Variants in KDM4C observed in about 807,000 individuals in gnomAD.
KDM4C encodes lysine-specific demethylase 4C.
Under a neutral mutation model 129.3 loss-of-function variants are expected in KDM4C, and 81 were observed. The observed-to-expected ratio is 0.63, with a 90% confidence interval of 0.52 to 0.75. The LOEUF is 0.75. KDM4C is among the 30% of genes least tolerant of loss of function. The pLI is 0.00. For missense variants in KDM4C, 1,457 were observed against 1,304.0 expected (o/e 1.12, Z -1.81); for synonymous variants, 573 against 456.1 (o/e 1.26, Z -3.26).
chr9:7,066,417 C>G (rs746687806), intron 17 of KDM4C, among the ~76,000 whole-genome samples: 1 of 152,112 alleles, frequency 6.6e-6, no homozygotes, highest in Non-Finnish European at 1.5e-5. Flanking sequence ...CCCTTTTTCT[C>G]AGGTATTTCT....
At chr9:6,895,433 C>T (rs993287593) in intron 8 of KDM4C, among the ~76,000 whole-genome samples, 3 of 152,186 alleles carry the variant, frequency 2.0e-5, no homozygotes, top group African/African-American at 7.2e-5. Context: ...TCTCTCTAGT[C>T]CTCCTGTGTA....
At chr9:6,746,763 C>A (rs982124627) in intron 1 of KDM4C, among the ~76,000 whole-genome samples, 1 of 149,744 alleles carries the variant, frequency 6.7e-6, no homozygotes, top group Non-Finnish European at 1.5e-5. Flanking sequence ...AATCCCAGCA[C>A]TTTGGGAGGC....
chr9:6,747,835 CA>C (rs1353836512), intron 1 of KDM4C, among the ~76,000 whole-genome samples: 1 of 152,190 alleles, frequency 6.6e-6, no homozygotes, highest in Non-Finnish European at 1.5e-5. Flanking sequence ...CCGTCCCTAT[CA>C]CTGCCTTACT....
intron 15 of KDM4C, among the ~76,000 whole-genome samples, chr9:7,018,360 A>G (rs1824060685): frequency 6.6e-6 from 1 of 152,204 alleles, no homozygotes; most frequent in South Asian, 2.1e-4. Flanking sequence ...GTGACACATG[A>G]CCATATTTCC....
intron 17 of KDM4C, among the ~76,000 whole-genome samples, chr9:7,093,195 C>A (rs1428787166): frequency 1.3e-5 from 2 of 151,950 alleles, no homozygotes; most frequent in African/African-American, 4.8e-5. Flanking sequence ...TGTGGCCACC[C>A]CTCTTTTGAG....
Position 6,748,165 on chromosome 9 carries a change from C to CA in KDM4C, c.49+27178dup, listed in dbSNP as rs71315558. Among the ~76,000 whole-genome samples, 250 of 97,490 alleles carry CA rather than the reference C, an allele frequency of 2.6e-3. 2 individuals are homozygous for CA. Among genetic ancestry groups the CA allele is most frequent in the East Asian group, 0.017 (52 of 3,012 alleles). 64.0% of individuals were successfully genotyped at this position (97,490 alleles called of 152,430 possible). A position where few individuals can be genotyped will look rare whatever the true frequency, so the allele number is the denominator to read the frequency against. On this transcript the variant is annotated intron_variant, in intron 1 of 17. Coordinates refer to the KDM4C transcript ENST00000536108. Reference sequence around the variant, plus strand: ...TGAGTAACAGAGCAAGACTTGGTCTCAAAAAAAAAACAAACAAACAAACAA... The same window carrying CA: ...TGAGTAACAGAGCAAGACTTGGTCTCAAAAAAAAAAACAAACAAACAAACAA...
At chr9:7,084,898 G>A (rs1195655222) in intron 17 of KDM4C, among the ~76,000 whole-genome samples, 1 of 152,152 alleles carries the variant, frequency 6.6e-6, no homozygotes, top group African/African-American at 2.4e-5. Flanking sequence ...AGAGAGATAC[G>A]TTAAACAAAT....
At chr9:7,170,979 T>A (rs1484272935) in intron 21 of KDM4C, 1 of 178,842 alleles carries the variant, frequency 5.6e-6, no homozygotes, top group Non-Finnish European at 1.1e-5. Context: ...TTTACAGATT[T>A]GTGTTTGGCC....
chr9:6,858,299 C>G (rs1299221133), intron 5 of KDM4C, among the ~76,000 whole-genome samples: 1 of 151,948 alleles, frequency 6.6e-6, no homozygotes, highest in Non-Finnish European at 1.5e-5. Context: ...GTAAATTCCC[C>G]TTAGGATGCT....
At chr9:6,804,005 T>G (rs1052679419) in intron 2 of KDM4C, among the ~76,000 whole-genome samples, 5 of 152,104 alleles carry the variant, frequency 3.3e-5, no homozygotes, top group Non-Finnish European at 7.4e-5. Context: ...GTATTTTTAG[T>G]GGAGATCAGG....
At chr9:6,959,708 G>A (rs865979259) in intron 8 of KDM4C, among the ~76,000 whole-genome samples, 1 of 152,230 alleles carries the variant, frequency 6.6e-6, no homozygotes. Context: ...TTAATTCTGT[G>A]AAATTGTAGT....
At chr9:6,851,279 C>A (rs1199292280) in intron 5 of KDM4C, among the ~76,000 whole-genome samples, 1 of 152,176 alleles carries the variant, frequency 6.6e-6, no homozygotes, top group Non-Finnish European at 1.5e-5. Flanking sequence ...GCACCCAGCA[C>A]TCAGGTGTTA....
intron 1 of KDM4C, among the ~76,000 whole-genome samples, chr9:6,741,902 A>G (rs1227194999): frequency 6.6e-6 from 1 of 151,298 alleles, no homozygotes; most frequent in Admixed American, 6.6e-5. Flanking sequence ...ACACACACAC[A>G]CACACACAAA....
rs1407908623 is a variant in KDM4C at position 6,734,435 on chromosome 9, C to T, written c.49+13438C>T. On this transcript the variant is annotated intron_variant, in intron 1 of 17. Coordinates refer to the KDM4C transcript ENST00000536108. Reference sequence around the variant, plus strand: ...TCAGCCTCCCGAGTAGCTGGGATTACAGGCATGCGCCACCACGCCCAGTTA... The same window carrying T: ...TCAGCCTCCCGAGTAGCTGGGATTATAGGCATGCGCCACCACGCCCAGTTA... 4.6e-5 allele frequency among the ~76,000 whole-genome samples: 7 copies of T among 151,926 alleles called. No homozygotes were observed. In the Admixed American group the frequency reaches 4.6e-4, roughly 10 times the overall value.
rs564650509 is a variant in KDM4C at position 7,011,387 on chromosome 9, G to A, written c.1787-311G>A. Among the ~76,000 whole-genome samples, 12 of 152,230 alleles carry A rather than the reference G, an allele frequency of 7.9e-5. No homozygotes were observed. In the East Asian group the frequency reaches 1.5e-3, roughly 20 times the overall value. On this transcript the variant is annotated intron_variant, in intron 12 of 21. Coordinates refer to ENST00000381309, the MANE Select transcript of KDM4C (RefSeq NM_015061.6). ...TTTTAGTATTGGAGCTTTTACCGTA[G>A]CAGTAGAGACACGGAAGAAGTAATG...
intron 17 of KDM4C, among the ~76,000 whole-genome samples, chr9:7,064,211 T>C (rs1832096873): frequency 6.6e-6 from 1 of 152,166 alleles, no homozygotes; most frequent in Non-Finnish European, 1.5e-5. Flanking sequence ...TAAGTGTAAA[T>C]ACACAGCAGA....
At chr9:7,046,207 A>T (rs189185487) in intron 15 of KDM4C, among the ~76,000 whole-genome samples, 1 of 151,934 alleles carries the variant, frequency 6.6e-6, no homozygotes, top group South Asian at 2.1e-4. Context: ...TTACATTCTA[A>T]GCTAAGACAC....
chr9:6,934,687 C>T (rs1342679753), intron 8 of KDM4C, among the ~76,000 whole-genome samples: 1 of 151,814 alleles, frequency 6.6e-6, no homozygotes, highest in Admixed American at 6.6e-5. Flanking sequence ...TGGTCTCAAT[C>T]TCTTGACCTC....
intron 17 of KDM4C, among the ~76,000 whole-genome samples, chr9:7,059,729 A>T (rs969867781): frequency 6.6e-6 from 1 of 152,234 alleles, no homozygotes; most frequent in Non-Finnish European, 1.5e-5. Flanking sequence ...ACTCTCTTTT[A>T]TTAAACTGGG....
Sources: allele counts gnomAD v4.1 joint callset (sites outside exome capture counted in the v4.1 genomes callset), GRCh38; gene constraint gnomAD v4.1.1; transcripts MANE v1.5; gene names NCBI Gene and HGNC (gene_info 2026-07-23, HGNC 2026-07-21).